The following ARHGEF26 variants were observed in gnomAD, a reference collection of about 807,000 sequenced individuals.
ARHGEF26 encodes the protein Rho guanine nucleotide exchange factor (GEF) 26.
In ARHGEF26, 59 loss-of-function variants were observed where a neutral mutation model predicts 89.4. The ratio of observed to expected loss-of-function variants is 0.66; its 90% CI spans 0.54 to 0.82. The LOEUF (loss-of-function observed/expected upper bound fraction) is 0.82, where lower values mean the gene tolerates loss of function less well. ARHGEF26 is among the 40% of genes least tolerant of loss of function. ARHGEF26 has a pLI of 0.00. For missense variants in ARHGEF26, 1,234 were observed against 1,085.6 expected, an observed-to-expected ratio of 1.14 and a Z score of -1.92; for synonymous variants, 500 against 428.4, an observed-to-expected ratio of 1.17 and a Z score of -2.06.
chr3:154,214,745 C>T (rs1247585190), intron 9 of ARHGEF26, among the ~76,000 whole-genome samples: 1 of 152,112 alleles, frequency 6.6e-6, no homozygotes, highest in Non-Finnish European at 1.5e-5. Flanking sequence ...GCAGCAGGAG[C>T]CTGGTATGGT....
chr3:154,123,707 C>A (rs1247138965), intron 2 of ARHGEF26, among the ~76,000 whole-genome samples: 1 of 152,084 alleles, frequency 6.6e-6, no homozygotes, highest in Non-Finnish European at 1.5e-5. Context: ...CCGTTGTATG[C>A]CCATTCATCC....
chr3:154,125,178 C>T (rs887851893), intron 3 of ARHGEF26, among the ~76,000 whole-genome samples: 1 of 151,990 alleles, frequency 6.6e-6, no homozygotes, highest in African/African-American at 2.4e-5. Flanking sequence ...TGAAGATTTT[C>T]CAACCTTCAA....
chr3:154,121,801 T>A, intron 1 of ARHGEF26, 141 bp from the exon 2 acceptor site: 2 of 732,776 alleles, frequency 2.7e-6, no homozygotes, highest in South Asian at 5.3e-5. Flanking sequence ...TGGTGCAGTT[T>A]TTGCCCGAGA....
chr3:154,149,038 G>A (rs149171322), intron 4 of ARHGEF26, among the ~76,000 whole-genome samples: 52 of 152,222 alleles, frequency 3.4e-4, no homozygotes, highest in African/African-American at 1.1e-3. Flanking sequence ...TTGGACTGGC[G>A]TCGATGCAGA....
chr3:154,154,994 T>C (rs1022333290), intron 6 of ARHGEF26, among the ~76,000 whole-genome samples: 1 of 152,044 alleles, frequency 6.6e-6, no homozygotes, highest in African/African-American at 2.4e-5. Context: ...ACTGCCAAAT[T>C]CTTCTTCAAA....
intron 12 of ARHGEF26, among the ~76,000 whole-genome samples, chr3:154,250,357 A>G (rs1020336217): frequency 2.0e-5 from 3 of 151,420 alleles, no homozygotes; most frequent in Non-Finnish European, 4.4e-5. Context: ...CCCCAGGGGA[A>G]GTCCTGTGGA....
intron 12 of ARHGEF26, among the ~76,000 whole-genome samples, chr3:154,250,763 A>G (rs1267420113): frequency 1.3e-5 from 2 of 152,234 alleles, no homozygotes; most frequent in Non-Finnish European, 2.9e-5. Context: ...TTGGTGAGCA[A>G]CACTTCTATT....
rs760838573 is a variant in ARHGEF26 at position 154,122,445 on chromosome 3, C to A, written c.453C>A (p.Asn151Lys). The change falls in exon 2 of 15, where the codon AAC (asparagine) becomes AAA (lysine). Residue 151 changes from asparagine to lysine, a missense_variant. Asn to Lys is a moderately conservative substitution (Grantham distance 94). Transcript: ENST00000465093. ...PPVLRPPRTP[N>K]APAPCTPEED... Reference sequence around the variant, plus strand: ...TTCTGCGCCCCCCGCGGACTCCTAACGCGCCCGCCCCCTGCACCCCCGAGG... The same window carrying A: ...TTCTGCGCCCCCCGCGGACTCCTAAAGCGCCCGCCCCCTGCACCCCCGAGG... 6.2e-7 allele frequency: 1 copy of A among 1,611,964 alleles called. No individual in the cohort carries two copies. The highest frequency in any genetic ancestry group is 8.5e-7 in the Non-Finnish European group (1 of 1,179,524).
rs1047254282 is a variant in ARHGEF26 at position 154,256,796 on chromosome 3, A to C, written c.*1323A>C. The stretch of plus-strand genomic sequence containing the variant: ...GTGGGAATTCATTCTATTTGCACTA[A>C]AAGCCTTAACTTGCTGTATTCAGAG... On this transcript the variant is annotated 3_prime_UTR_variant, in exon 15 of 15. Coordinates refer to ENST00000465093, the MANE Select transcript of ARHGEF26 (RefSeq NM_015595.4). The C allele has an allele frequency of 2.7e-6, 4 of 1,492,156 alleles. No homozygotes were observed. Among genetic ancestry groups the C allele is most frequent in the Non-Finnish European group, 2.7e-6 (3 of 1,129,190 alleles). 92.4% of individuals were successfully genotyped at this position (1,492,156 alleles called of 1,614,324 possible).
chr3:154,149,996 T>C (rs1006897670), intron 5 of ARHGEF26, among the ~76,000 whole-genome samples: 2 of 151,336 alleles, frequency 1.3e-5, no homozygotes, highest in African/African-American at 4.8e-5. Flanking sequence ...TTTGAGAAAA[T>C]TGCTTATTGT....
chr3:154,137,730 A>G (rs1295834672), intron 4 of ARHGEF26, among the ~76,000 whole-genome samples: 5 of 151,960 alleles, frequency 3.3e-5, no homozygotes, highest in African/African-American at 9.7e-5. Context: ...TAATCTCAGA[A>G]CTTTGGAAGG....
chr3:154,131,301 C>G (rs762920707), intron 4 of ARHGEF26, among the ~76,000 whole-genome samples: 1 of 152,254 alleles, frequency 6.6e-6, no homozygotes, highest in Non-Finnish European at 1.5e-5. Context: ...AGAGAATGTA[C>G]AAATCCAGAC....
At chr3:154,208,064 G>T (rs9811177) in intron 9 of ARHGEF26, among the ~76,000 whole-genome samples, 26,751 of 152,100 alleles carry the variant, frequency 0.18, 2,788 homozygotes, top group South Asian at 0.34. Context: ...GGACACAAGG[G>T]GGAAACAACA....
chr3:154,140,753 G>C (rs2108073112), intron 4 of ARHGEF26, among the ~76,000 whole-genome samples: 1 of 151,520 alleles, frequency 6.6e-6, no homozygotes, highest in South Asian at 2.1e-4. Context: ...GCTAATTTTT[G>C]TATTTTTAAT....
At chr3:154,164,307 A>T (rs1324750872) in intron 6 of ARHGEF26, among the ~76,000 whole-genome samples, 4 of 152,094 alleles carry the variant, frequency 2.6e-5, no homozygotes, top group Non-Finnish European at 4.4e-5. Flanking sequence ...TTTAGTATTA[A>T]TTCAGTATAT....
At chr3:154,127,980 CCTGTAGCT>C (rs1423785836) in intron 3 of ARHGEF26, among the ~76,000 whole-genome samples, 1 of 152,200 alleles carries the variant, frequency 6.6e-6, no homozygotes, top group African/African-American at 2.4e-5. Context: ...GTATGCTTTT[CCTGTAGCT>C]CTGTAGCTTC....
chr3:154,252,761 CTT>C (rs754201293), intron 12 of ARHGEF26, among the ~76,000 whole-genome samples: 8 of 152,166 alleles, frequency 5.3e-5, no homozygotes, highest in South Asian at 2.1e-4. Context: ...AAAAATGAAA[CTT>C]AACTGCTTTT....
At chr3:154,250,523 A>T (rs1316823033) in intron 12 of ARHGEF26, among the ~76,000 whole-genome samples, 3 of 152,244 alleles carry the variant, frequency 2.0e-5, no homozygotes, top group Non-Finnish European at 2.9e-5. Context: ...GCATCCAGGC[A>T]GCATGCCACA....
intron 11 of ARHGEF26, among the ~76,000 whole-genome samples, chr3:154,234,846 A>C (rs1717014419): frequency 6.6e-6 from 1 of 152,086 alleles, no homozygotes; most frequent in South Asian, 2.1e-4. Context: ...GCTCACTGCA[A>C]GGTCCGCCTC....
Sources: allele counts gnomAD v4.1 joint callset (sites outside exome capture counted in the v4.1 genomes callset), GRCh38; gene constraint gnomAD v4.1.1; transcripts MANE v1.5; gene names NCBI Gene and HGNC (gene_info 2026-07-23, HGNC 2026-07-21).